The following ADGB variants were observed in gnomAD, a reference collection of about 807,000 sequenced individuals.
ADGB encodes the protein androglobin.
ADGB carries 172 observed loss-of-function variants against 210.5 expected under a neutral mutation model. That is an observed-to-expected ratio of 0.82 (90% CI 0.72 to 0.93). ADGB has a LOEUF of 0.93. ADGB is among the 40% of genes least tolerant of loss of function. The pLI is 0.00. For missense variants in ADGB, 2,025 were observed against 1,964.8 expected (o/e 1.03, Z -0.58); for synonymous variants, 658 against 662.7 (o/e 0.99, Z 0.11).
At chr6:146,638,907 C>A (rs1160049104) in intron 2 of ADGB, 101 of 124,308 alleles carry the variant, frequency 8.1e-4, no homozygotes, top group Non-Finnish European at 7.8e-4. Flanking sequence ...TCACCTTCTG[C>A]AAAAAAAAAA....
At chr6:146,788,676 A>C in intron 33 of ADGB, 66 bp downstream of exon 33, 1 of 1,418,332 alleles carries the variant, frequency 7.1e-7, no homozygotes, top group Non-Finnish European at 9.7e-7. Context: ...AAAAGATTTT[A>C]ACTTAAACAT....
At chr6:146,690,814 T>C (rs1369313776) in intron 10 of ADGB, among the ~76,000 whole-genome samples, 1 of 152,190 alleles carries the variant, frequency 6.6e-6, no homozygotes, top group African/African-American at 2.4e-5. Flanking sequence ...CTGATTAATT[T>C]TGGACTAACT....
intron 17 of ADGB, among the ~76,000 whole-genome samples, chr6:146,723,012 A>AATGCTTAATACTG (rs1309776267): frequency 6.6e-6 from 1 of 152,218 alleles, no homozygotes; most frequent in African/African-American, 2.4e-5. Context: ...GTATTTCCCA[A>AATGCTTAATACTG]ATGCTTAATA....
intron 22 of ADGB, among the ~76,000 whole-genome samples, chr6:146,735,486 C>G (rs997704143): frequency 1.3e-5 from 2 of 152,124 alleles, no homozygotes; most frequent in African/African-American, 4.8e-5. Flanking sequence ...CACACTCTTT[C>G]GATAATCACA....
Position 146,782,085 on chromosome 6 carries a change from G to A in ADGB, c.3928G>A (p.Gly1310Arg). 1 of 1,547,916 alleles carries A rather than the reference G, an allele frequency of 6.5e-7. No individual in the cohort carries two copies. Among genetic ancestry groups the A allele is most frequent in the Non-Finnish European group, 8.7e-7 (1 of 1,145,556 alleles). The change falls in exon 30 of 36, where the codon GGA (glycine) becomes AGA (arginine). Residue 1310 changes from glycine to arginine, a missense_variant. Coordinates refer to ENST00000397944, the MANE Select transcript of ADGB (RefSeq NM_024694.4). ...CCCAGACTCCCACACTATTAGTGAGGGACAAAAATCTTCAGTAACTTCCAA... is the reference window on the plus strand; with the variant it reads ...CCCAGACTCCCACACTATTAGTGAGAGACAAAAATCTTCAGTAACTTCCAA... ...GSPDSHTISE[G>R]QKSSVTSKTT...
At chr6:146,759,142 G>T (rs951868851) in intron 27 of ADGB, among the ~76,000 whole-genome samples, 1 of 151,666 alleles carries the variant, frequency 6.6e-6, no homozygotes, top group African/African-American at 2.4e-5. Flanking sequence ...GTCTTTACAG[G>T]ATATCAAGGT....
chr6:146,799,039 C>A (rs1778084486), intron 33 of ADGB, among the ~76,000 whole-genome samples: 1 of 64,184 alleles, frequency 1.6e-5, no homozygotes. Context: ...ATGCTAATCC[C>A]AAAACTTATA....
rs1344052718 is a variant in ADGB at position 146,716,957 on chromosome 6, G to A, written c.1816G>A (p.Val606Ile). Residue 606 changes from valine to isoleucine, a missense_variant, in exon 15 of 36, where the codon GTC (valine) becomes ATC (isoleucine). By Grantham distance (29) the Val-to-Ile change is conservative (BLOSUM62 3). Transcript: ENST00000397944. ...TGGATTAAACTTGGAAAGAGAGATA[G>A]TCAGCCAGACCACAGCAACACAGGA... is the stretch of plus-strand genomic sequence containing the variant. ...SDGLNLEREI[V>I]SQTTATQEKS... 6.4e-7 allele frequency: 1 copy of A among 1,551,504 alleles called. No individual in the cohort carries two copies. The highest frequency in any genetic ancestry group is 2.0e-5 in the Admixed American group (1 of 50,996).
intron 29 of ADGB, among the ~76,000 whole-genome samples, chr6:146,773,230 C>T (rs557709648): frequency 1.3e-5 from 2 of 152,022 alleles, no homozygotes; most frequent in African/African-American, 4.8e-5. Flanking sequence ...TAAATTACCA[C>T]CTCTCTTCAA....
chr6:146,671,484 G>A (rs1396657399), intron 7 of ADGB, among the ~76,000 whole-genome samples: 1 of 152,152 alleles, frequency 6.6e-6, no homozygotes, highest in Non-Finnish European at 1.5e-5. Context: ...GGTGATGCAG[G>A]ACATTTTTGT....
intron 5 of ADGB, among the ~76,000 whole-genome samples, chr6:146,661,220 CTT>C (rs5880682): frequency 0.28 from 31,892 of 115,120 alleles, 2,967 homozygotes; most frequent in South Asian, 0.34. Context: ...TTCTTTTTTT[CTT>C]TTTTTTTTTT....
intron 35 of ADGB, chr6:146,807,799 C>A (rs543635360): frequency 9.0e-5 from 33 of 366,514 alleles, no homozygotes; most frequent in African/African-American, 6.4e-4. Flanking sequence ...AAATAGCTTC[C>A]AAATATTTAA....
At chr6:146,717,694 T>C (rs997303252) in intron 16 of ADGB, 95 bp downstream of exon 16, 2 of 602,772 alleles carry the variant, frequency 3.3e-6, no homozygotes, top group African/African-American at 3.9e-5. Context: ...ATTTCTAAAC[T>C]TGTAACATAG....
intron 35 of ADGB, chr6:146,803,525 G>A: frequency 6.3e-7 from 1 of 1,594,692 alleles, no homozygotes; most frequent in Non-Finnish European, 8.6e-7. Context: ...AGTTTATCTG[G>A]GCTTTTCACA....
chr6:146,766,683 A>T (rs1777581429), intron 28 of ADGB, among the ~76,000 whole-genome samples: 2 of 152,106 alleles, frequency 1.3e-5, no homozygotes, highest in African/African-American at 2.4e-5. Flanking sequence ...GGTCCAATAG[A>T]CTTTTAAAAA....
intron 29 of ADGB, 116 bp downstream of exon 29, chr6:146,769,247 C>A: frequency 5.6e-6 from 3 of 537,768 alleles, no homozygotes; most frequent in Non-Finnish European, 1.0e-5. Flanking sequence ...TTTTATTACA[C>A]ATTATAATTT....
At chr6:146,697,558 G>A (rs1776423670) in intron 12 of ADGB, among the ~76,000 whole-genome samples, 1 of 152,018 alleles carries the variant, frequency 6.6e-6, no homozygotes, top group African/African-American at 2.4e-5. Context: ...CAGACTAAAG[G>A]AGAATAAGCA....
chr6:146,762,453 T>C (rs1279594894), intron 27 of ADGB, among the ~76,000 whole-genome samples: 2 of 152,200 alleles, frequency 1.3e-5, no homozygotes, highest in East Asian at 3.8e-4. Context: ...AAGCACATTT[T>C]AAATAGCTAT....
intron 35 of ADGB, among the ~76,000 whole-genome samples, chr6:146,813,452 A>C (rs1562309025): frequency 6.6e-6 from 1 of 151,978 alleles, no homozygotes; most frequent in Non-Finnish European, 1.5e-5. Context: ...CAGATGCAGA[A>C]ATTTTTTTTC....
Sources: gnomAD v4.1 joint callset for allele counts (sites outside exome capture counted in the v4.1 genomes callset) on GRCh38, gnomAD v4.1.1 for gene constraint, MANE v1.5 for transcripts, NCBI Gene and HGNC (gene_info 2026-07-23, HGNC 2026-07-21) for gene names.